QRSL1: variants seen among roughly 807,000 people sequenced by gnomAD.
The protein encoded by QRSL1 is glutaminyl-tRNA amidotransferase subunit QRSL1, also known as glutamyl-tRNA(Gln) amidotransferase subunit A, mitochondrial.
In QRSL1, 54 loss-of-function variants were observed where a neutral mutation model predicts 61.6. The ratio of observed to expected loss-of-function variants is 0.88; its 90% CI spans 0.70 to 1.10. The LOEUF is 1.10. Ranked by LOEUF, QRSL1 falls within the 50% of genes least tolerant of loss-of-function variation. The probability of loss-of-function intolerance (pLI) is 0.00; values close to 1 mark genes in which losing one functional copy is unlikely to be tolerated. For missense variants in QRSL1, 505 were observed against 622.6 expected (o/e 0.81, Z 2.01); for synonymous variants, 228 against 225.7 (o/e 1.01, Z -0.09).
rs1777472921 is a variant in QRSL1, at chr6:106,668,321, A to G, written c.*2319A>G. ...TTCTCTTCATTTTTACTCTTAATCT[A>G]GTAGGTCTCATTTTGCCAAGTCACT... On this transcript the variant is annotated 3_prime_UTR_variant, in exon 11 of 11. Transcript: ENST00000369046. 6.6e-6 allele frequency: 1 copy of G among 151,934 alleles called. No homozygotes were observed. Among genetic ancestry groups the G allele is most frequent in the African/African-American group, 2.4e-5 (1 of 41,340 alleles). 9.4% of individuals were successfully genotyped at this position (151,934 alleles called of 1,614,324 possible).
chr6:106,654,280 G>A (rs1419880179), intron 7 of QRSL1, among the ~76,000 whole-genome samples: 2 of 152,080 alleles, frequency 1.3e-5, no homozygotes, highest in Non-Finnish European at 1.5e-5. Flanking sequence ...AACCCAGGAG[G>A]CGGAGCCTGC....
chr6:106,646,125 CAA>C (rs1777102548), intron 4 of QRSL1, among the ~76,000 whole-genome samples: 1 of 152,140 alleles, frequency 6.6e-6, no homozygotes, highest in African/African-American at 2.4e-5. Flanking sequence ...TTCATAGAAA[CAA>C]GAGTCCTTGC....
intron 10 of QRSL1, among the ~76,000 whole-genome samples, 191 bp from the exon 11 acceptor site, chr6:106,665,591 G>C (rs1777418253): frequency 6.6e-6 from 1 of 152,158 alleles, no homozygotes; most frequent in Admixed American, 6.5e-5. Context: ...TCTGTGAACT[G>C]ATACAGAATG....
intron 8 of QRSL1, 31 bp downstream of exon 8, chr6:106,654,953 G>C: frequency 6.6e-7 from 1 of 1,513,250 alleles, no homozygotes; most frequent in Non-Finnish European, 8.9e-7. Context: ...TATTTTTAAG[G>C]TAGTTGTCGC....
chr6:106,654,838 A>G lies in QRSL1; in HGVS notation c.958A>G (p.Thr320Ala), dbSNP rs1173254955. The change falls in exon 8 of 11, where the codon ACC becomes GCC. Residue 320 changes from threonine to alanine, a missense_variant. Transcript: ENST00000369046. ...AGTAATTGAAGTATCCCTTCCTCAC[A>G]CCAGTTATTCAATTGTCTGCTACCA... The part of the protein sequence containing the change: ...AKVIEVSLPH[T>A]SYSIVCYHVL... 1 of 1,613,792 alleles carries G rather than the reference A, an allele frequency of 6.2e-7. No homozygotes were observed. Among genetic ancestry groups the G allele is most frequent in the Non-Finnish European group, 8.5e-7 (1 of 1,179,868 alleles).
intron 3 of QRSL1, 164 bp from the exon 4 acceptor site, chr6:106,642,830 A>T: frequency 1.3e-6 from 1 of 758,040 alleles, no homozygotes; most frequent in Non-Finnish European, 2.4e-6. Context: ...GGTTCAACTG[A>T]CGTGCCAGCC....
chr6:106,662,130 T>A (rs1777366498), intron 9 of QRSL1, among the ~76,000 whole-genome samples: 1 of 152,220 alleles, frequency 6.6e-6, no homozygotes, highest in African/African-American at 2.4e-5. Context: ...TTTAGTCTTT[T>A]TAGTAAAATA....
chr6:106,657,726 G>A (rs1408438595), intron 9 of QRSL1, among the ~76,000 whole-genome samples: 2 of 151,756 alleles, frequency 1.3e-5, no homozygotes, highest in Non-Finnish European at 2.9e-5. Context: ...TTATTTTTGA[G>A]ACAGAGTCTC....
rs1026196539 is a variant in QRSL1, at chr6:106,667,739, C to G, written c.*1737C>G. The G allele has an allele frequency of 1.3e-5, 2 of 152,052 alleles. No homozygotes were observed. The highest frequency in any genetic ancestry group is 4.1e-4 in the South Asian group (2 of 4,826). 9.4% of individuals were successfully genotyped at this position (152,052 alleles called of 1,614,324 possible). A position where few individuals can be genotyped will look rare whatever the true frequency, so the allele number is the denominator to read the frequency against. ...TTATGTGCCAGGCTTAGTAATATTC[C>G]TATAGATTTTGACTCTGAATCCCTG... On this transcript the variant is annotated 3_prime_UTR_variant, in exon 11 of 11. Coordinates refer to ENST00000369046, the MANE Select transcript of QRSL1 (RefSeq NM_018292.5).
rs533706279 is a variant in QRSL1, at chr6:106,654,282, G to A, written c.850-448G>A. On this transcript the variant is annotated intron_variant, in intron 7 of 10. Coordinates refer to ENST00000369046, the MANE Select transcript of QRSL1 (RefSeq NM_018292.5). Reference sequence around the variant, plus strand: ...GGAGAATGGCGTGAACCCAGGAGGCGGAGCCTGCAGTGAGCTGAGATTGCG... The same window carrying A: ...GGAGAATGGCGTGAACCCAGGAGGCAGAGCCTGCAGTGAGCTGAGATTGCG... Among the ~76,000 whole-genome samples, 42 of 152,104 alleles carry A rather than the reference G, an allele frequency of 2.8e-4. 2 individuals carry two copies. The highest frequency in any genetic ancestry group is 1.2e-3 in the South Asian group (6 of 4,818).
At chr6:106,658,616 T>C (rs544511633) in intron 9 of QRSL1, among the ~76,000 whole-genome samples, 12 of 152,246 alleles carry the variant, frequency 7.9e-5, no homozygotes, top group Non-Finnish European at 1.6e-4. Flanking sequence ...GTCCATTGTC[T>C]TCTGGCTTAC....
At chr6:106,661,884 T>C (rs3127655) in intron 9 of QRSL1, among the ~76,000 whole-genome samples, 63,931 of 151,032 alleles carry the variant, frequency 0.42, 14,235 homozygotes, top group Non-Finnish European at 0.51. Flanking sequence ...GCTAATTTGG[T>C]ATTTTTAGTA....
chr6:106,640,456 A>G lies in QRSL1; in HGVS notation c.132A>G (p.Ser44=). ...TTCTAAATGCCTACATTACTGTGTC[A>G]GAAGAGGTGGCCTTAAAACAAGCTG... ...TKFLNAYITV[S]EEVALKQAEE... The change falls in exon 2 of 11, where the codon TCA becomes TCG. Residue 44 remains serine (S), a synonymous_variant. Transcript: ENST00000369046. 1.2e-6 allele frequency: 2 copies of G among 1,603,282 alleles called. No homozygotes were observed. Among genetic ancestry groups the G allele is most frequent in the South Asian group, 2.2e-5 (2 of 88,918 alleles).
rs575385637 is a variant in QRSL1, at chr6:106,651,376, A to G, written c.558-833A>G. Among the ~76,000 whole-genome samples, 12 of 152,334 alleles carry G rather than the reference A, an allele frequency of 7.9e-5. No individual in the cohort carries two copies. The East Asian group carries it at 1.9e-3, about 24-fold the overall frequency. On this transcript the variant is annotated intron_variant, in intron 5 of 10. Transcript: ENST00000369046. Reference sequence around the variant, plus strand: ...AAACTTTTTGGTTATCACACTAACAATTTTAAAAATTACTAGTACTCAGTG... The same window carrying G: ...AAACTTTTTGGTTATCACACTAACAGTTTTAAAAATTACTAGTACTCAGTG...
intron 4 of QRSL1, among the ~76,000 whole-genome samples, chr6:106,645,957 G>C (rs576210232): frequency 6.6e-6 from 1 of 152,288 alleles, no homozygotes; most frequent in African/African-American, 2.4e-5. Context: ...GCACCAGTGA[G>C]GGCCTTAGGT....
At position 106,663,171 on chromosome 6, in the gene QRSL1, C is replaced by A. The variant is rs1313036130; in HGVS notation, c.1352C>A (p.Ala451Asp). 4.3e-6 allele frequency: 7 copies of A among 1,613,582 alleles called. No individual in the cohort carries two copies. Among genetic ancestry groups the A allele is most frequent in the Admixed American group, 3.3e-5 (2 of 59,998 alleles). The change falls in exon 10 of 11, where the codon GCT (alanine) becomes GAT (aspartate). Residue 451 changes from alanine to aspartate, a missense_variant. Coordinates refer to ENST00000369046, the MANE Select transcript of QRSL1 (RefSeq NM_018292.5). ...GCCCAGGATGATATTTTTACACAAGCTGTAAATATGGCAGGTGAGGATTCC... is the reference window on the plus strand; with the variant it reads ...GCCCAGGATGATATTTTTACACAAGATGTAAATATGGCAGGTGAGGATTCC... ...RSAQDDIFTQAVNMAGLPAVS... is the reference protein window; with the variant it reads ...RSAQDDIFTQDVNMAGLPAVS...
At chr6:106,635,324 A>G (rs1379578255) in intron 1 of QRSL1, among the ~76,000 whole-genome samples, 1 of 152,126 alleles carries the variant, frequency 6.6e-6, no homozygotes, top group Admixed American at 6.5e-5. Context: ...AACACAGAGA[A>G]GAAGTGTTTC....
At chr6:106,646,312 G>A (rs1337249232) in intron 4 of QRSL1, among the ~76,000 whole-genome samples, 1 of 152,168 alleles carries the variant, frequency 6.6e-6, no homozygotes, top group Admixed American at 6.5e-5. Context: ...GTAATTGTCT[G>A]AGGATACAAT....
chr6:106,665,293 A>G (rs1176159449), intron 10 of QRSL1, among the ~76,000 whole-genome samples: 1 of 152,232 alleles, frequency 6.6e-6, no homozygotes, highest in Non-Finnish European at 1.5e-5. Flanking sequence ...CTCTGTCTGC[A>G]AGGCTATAGG....
Sources: gnomAD v4.1 joint callset for allele counts (sites outside exome capture counted in the v4.1 genomes callset) on GRCh38, gnomAD v4.1.1 for gene constraint, MANE v1.5 for transcripts, NCBI Gene and HGNC (gene_info 2026-07-23, HGNC 2026-07-21) for gene names.